The following MICU3 variants were observed in gnomAD, a reference collection of about 807,000 sequenced individuals.
The protein encoded by MICU3 is mitochondrial calcium uptake 3, also known as calcium uptake protein 3, mitochondrial.
A neutral mutation model predicts 66.5 loss-of-function variants in MICU3; 62 were observed. The ratio of observed to expected loss-of-function variants is 0.93; its 90% confidence interval spans 0.76 to 1.15. The LOEUF (loss-of-function observed/expected upper bound fraction) is 1.15. Ranked by LOEUF, MICU3 falls within the 50% of genes most tolerant of loss-of-function variation. MICU3 has a pLI of 0.00. For synonymous variants in MICU3, 308 were observed against 240.7 expected, an observed-to-expected ratio of 1.28 and a Z score of -2.59; for missense variants, 779 against 664.4, an observed-to-expected ratio of 1.17 and a Z score of -1.90.
At chr8:17,129,711 G>A in the MICU3 span, among the ~76,000 whole-genome samples, 89 of 152,308 alleles carry the variant, frequency 5.8e-4, no homozygotes, top group African/African-American at 2.1e-3. Flanking sequence ...AAGAGGGGAA[G>A]AGGGTGGGAG....
chr8:17,095,550 C>A (rs571340244), intron 8 of MICU3, among the ~76,000 whole-genome samples: 7 of 151,814 alleles, frequency 4.6e-5, no homozygotes, highest in Non-Finnish European at 8.8e-5. Context: ...TGGGCTGTTA[C>A]TTTATTTTTC....
rs199805391 is a variant in MICU3 at position 17,077,856 on chromosome 8, A to C, written c.641A>C (p.Glu214Ala). ...TCGAAGCTATTTCGAAATCTTAAAG[A>C]AAAAGGTGAGTTAACCTTAGTACTT... is the stretch of plus-strand genomic sequence containing the variant. ...GSSKLFRNLK[E>A]KGVISYTEYL... The change falls in exon 4 of 15, where the codon GAA (glutamate) becomes GCA (alanine). Residue 214 changes from glutamate to alanine, a missense_variant. Coordinates refer to ENST00000318063, the MANE Select transcript of MICU3 (RefSeq NM_181723.3). 1.9e-5 allele frequency: 30 copies of C among 1,604,436 alleles called. No individual in the cohort carries two copies. Among genetic ancestry groups the C allele is most frequent in the Non-Finnish European group, 2.3e-5 (27 of 1,172,368 alleles).
intron 1 of MICU3, among the ~76,000 whole-genome samples, chr8:17,054,273 A>G (rs1263271667): frequency 5.9e-5 from 9 of 152,216 alleles, no homozygotes; most frequent in South Asian, 2.1e-4. Context: ...TGACAAAATC[A>G]TACATGCCAT....
intron 11 of MICU3, among the ~76,000 whole-genome samples, chr8:17,106,554 T>A (rs3862114): frequency 0.087 from 13,174 of 151,688 alleles, 969 homozygotes; most frequent in East Asian, 0.39. Context: ...TGCTTTTTTT[T>A]TTTTTTTTGC....
intron 1 of MICU3, among the ~76,000 whole-genome samples, chr8:17,062,358 T>C (rs1360178114): frequency 6.6e-6 from 1 of 152,168 alleles, no homozygotes; most frequent in Non-Finnish European, 1.5e-5. Flanking sequence ...TCTTTCCATA[T>C]AGATTGATAT....
At chr8:17,122,946 C>T (rs1454201347), downstream of MICU3, among the ~76,000 whole-genome samples, 1 of 152,054 alleles carries the variant, frequency 6.6e-6, no homozygotes, top group Admixed American at 6.6e-5. Flanking sequence ...TTGTAGGTAT[C>T]ATCTTACTAA....
downstream of MICU3, among the ~76,000 whole-genome samples, chr8:17,125,646 TG>T (rs551266533): frequency 3.3e-5 from 5 of 152,306 alleles, no homozygotes; most frequent in South Asian, 1.0e-3. Flanking sequence ...GCTGCTATTT[TG>T]TTCAAAGTTG....
intron 6 of MICU3, among the ~76,000 whole-genome samples, chr8:17,086,649 C>T (rs968101296): frequency 4.6e-5 from 7 of 152,082 alleles, no homozygotes; most frequent in African/African-American, 1.7e-4. Context: ...CAAGTTCCAT[C>T]CCCCTGACTT....
chr8:17,075,252 T>A (rs1820206218), intron 3 of MICU3, among the ~76,000 whole-genome samples: 1 of 152,166 alleles, frequency 6.6e-6, no homozygotes, highest in South Asian at 2.1e-4. Flanking sequence ...CTGAGCTTAG[T>A]GCTTAGAATT....
At chr8:17,104,676 C>G (rs980687959) in intron 10 of MICU3, among the ~76,000 whole-genome samples, 185 bp downstream of exon 10, 1 of 151,876 alleles carries the variant, frequency 6.6e-6, no homozygotes, top group Non-Finnish European at 1.5e-5. Flanking sequence ...ATAATTATAA[C>G]AGGAAGTTAC....
At chr8:17,074,194 G>A (rs979980832) in intron 3 of MICU3, among the ~76,000 whole-genome samples, 1 of 151,668 alleles carries the variant, frequency 6.6e-6, no homozygotes, top group African/African-American at 2.4e-5. Context: ...CCTGTATAGT[G>A]GAATTTTCTA....
rs1326233641 is a variant in MICU3, at chr8:17,113,943, G to T, written c.1258-150G>T. The T allele has an allele frequency of 1.0e-5, 5 of 498,162 alleles. No homozygotes were observed. The East Asian group carries it at 1.3e-4, about 13-fold the overall frequency. The allele number at this position is 498,162 out of a possible 1,614,324, so 30.9% of individuals were successfully genotyped here. A position where few individuals can be genotyped will look rare whatever the true frequency, so the allele number is the denominator to read the frequency against. ...AAGTCTGAGTGAATTTTACATTCCA[G>T]TTGGAGAACAACGTCAAAATGTGCC... is the stretch of plus-strand genomic sequence containing the variant. On this transcript the variant is annotated intron_variant, in intron 11 of 14. Coordinates refer to ENST00000318063, the MANE Select transcript of MICU3 (RefSeq NM_181723.3).
At chr8:17,107,448 A>G (rs1801832803) in intron 11 of MICU3, among the ~76,000 whole-genome samples, 1 of 152,182 alleles carries the variant, frequency 6.6e-6, no homozygotes, top group Non-Finnish European at 1.5e-5. Context: ...GGCGATGAGT[A>G]AGGAGAGGTA....
intron 11 of MICU3, 40 bp downstream of exon 11, chr8:17,105,624 T>G: frequency 1.6e-6 from 2 of 1,235,476 alleles, no homozygotes; most frequent in Non-Finnish European, 2.2e-6. Flanking sequence ...GTTACTGTTT[T>G]GCAATACGTG....
At position 17,122,023 on chromosome 8, in the gene MICU3, T is replaced by G. The variant is rs1256846491; in HGVS notation, c.*1736T>G. ...TCCTTGACTATAAGTTATACTATGT[T>G]GCGTACATGGCAAATCCTGCAAATA... On this transcript the variant is annotated 3_prime_UTR_variant, in exon 15 of 15. Coordinates refer to ENST00000318063, the MANE Select transcript of MICU3 (RefSeq NM_181723.3). The G allele has an allele frequency of 1.3e-5, 2 of 151,844 alleles. No homozygotes were observed. The highest frequency in any genetic ancestry group is 3.0e-5 in the Non-Finnish European group (2 of 67,740). The allele number at this position is 151,844 out of a possible 1,614,324, so 9.4% of individuals were successfully genotyped here.
chr8:17,132,523 C>T, the MICU3 span: 1 of 152,208 alleles, frequency 6.6e-6, no homozygotes, highest in African/African-American at 2.4e-5. Flanking sequence ...CATAGTCTTC[C>T]TTGCCCCTAA....
the MICU3 span, chr8:17,132,112 G>A: frequency 2.6e-5 from 4 of 152,180 alleles, no homozygotes. Context: ...AGTTCCACTG[G>A]ATAGTCTGTT....
chr8:17,043,396 C>T (rs1208549709), intron 1 of MICU3, among the ~76,000 whole-genome samples: 2 of 152,116 alleles, frequency 1.3e-5, no homozygotes, highest in Non-Finnish European at 2.9e-5. Context: ...ACTAATCTGA[C>T]AATAAGAGGT....
intron 1 of MICU3, among the ~76,000 whole-genome samples, chr8:17,049,016 T>G (rs1815599301): frequency 6.6e-6 from 1 of 152,004 alleles, no homozygotes; most frequent in African/African-American, 2.4e-5. Flanking sequence ...CAGTTCTGTA[T>G]TTCGGGGATG....
Sources: gnomAD v4.1 joint callset for allele counts (sites outside exome capture counted in the v4.1 genomes callset) on GRCh38, gnomAD v4.1.1 for gene constraint, MANE v1.5 for transcripts, NCBI Gene and HGNC (gene_info 2026-07-23, HGNC 2026-07-21) for gene names.